The following PDE9A variants were observed in gnomAD, a reference collection of about 807,000 sequenced individuals.
PDE9A encodes high affinity cGMP-specific 3',5'-cyclic phosphodiesterase 9A.
PDE9A carries 60 observed loss-of-function variants against 87.4 expected under a neutral mutation model. That is an observed-to-expected ratio of 0.69 (90% CI 0.56 to 0.85). The LOEUF (loss-of-function observed/expected upper bound fraction) is 0.85. PDE9A is among the 40% of genes least tolerant of loss of function. The pLI, the probability that PDE9A is intolerant of heterozygous loss-of-function variation, is 0.00. For missense variants in PDE9A, 665 were observed against 779.0 expected (o/e 0.85, Z 1.74); for synonymous variants, 272 against 279.4 (o/e 0.97, Z 0.27).
chr21:42,678,439 C>T (rs2058972719), intron 1 of PDE9A, among the ~76,000 whole-genome samples: 1 of 152,174 alleles, frequency 6.6e-6, no homozygotes, highest in South Asian at 2.1e-4. Flanking sequence ...CCTCCGCAGC[C>T]TCAATGCCCT....
At chr21:42,726,256 G>A (rs1344090731) in intron 4 of PDE9A, among the ~76,000 whole-genome samples, 9 of 152,042 alleles carry the variant, frequency 5.9e-5, no homozygotes, top group Admixed American at 2.6e-4. Context: ...CTGCCACACC[G>A]TAGCTTGTCT....
Position 42,769,145 on chromosome 21 carries a change from C to G in PDE9A, c.1580C>G (p.Thr527Arg), listed in dbSNP as rs199846131. The G allele has an allele frequency of 1.9e-6, 3 of 1,613,456 alleles. No individual in the cohort carries two copies. Among genetic ancestry groups the G allele is most frequent in the Admixed American group, 3.3e-5 (2 of 59,942 alleles). ...TTTGTCCTGATCCCAATGTTTGAAA[C>G]AGTGACCAAGGTGAGTAACTGTCAC... ...IKFVLIPMFE[T>R]VTKLFPMVEE... is the part of the protein sequence containing the mutation. Residue 527 changes from threonine (T) to arginine (R), a missense_variant, in exon 17 of 20, where the codon ACA (threonine) becomes AGA (arginine). Physicochemically the swap from Thr to Arg is moderately conservative, Grantham distance 71. Transcript: ENST00000291539.
chr21:42,765,984 G>A (rs2056361310), intron 15 of PDE9A, among the ~76,000 whole-genome samples: 1 of 152,194 alleles, frequency 6.6e-6, no homozygotes, highest in Non-Finnish European at 1.5e-5. Flanking sequence ...ATGAGAAGGT[G>A]CACTTAGGTT....
chr21:42,658,283 G>C (rs554013046), intron 1 of PDE9A, among the ~76,000 whole-genome samples: 2 of 152,350 alleles, frequency 1.3e-5, no homozygotes, highest in South Asian at 4.1e-4. Flanking sequence ...GCACCCTGCT[G>C]GGGTGGTCTG....
chr21:42,741,705 T>TCG (rs1359116376), intron 7 of PDE9A: 1 of 133,312 alleles, frequency 7.5e-6, no homozygotes, highest in Non-Finnish European at 1.6e-5. Context: ...TGGAAACGCC[T>TCG]CGAAACCCAC....
Position 42,760,450 on chromosome 21 carries a change from C to G in PDE9A, c.1002+18C>G. 1 of 1,420,172 alleles carries G rather than the reference C, an allele frequency of 7.0e-7. No homozygotes were observed. Among genetic ancestry groups the G allele is most frequent in the Non-Finnish European group, 9.9e-7 (1 of 1,012,626 alleles). The allele number at this position is 1,420,172 out of a possible 1,614,324, so 88.0% of individuals were successfully genotyped here. A position where few individuals can be genotyped will look rare whatever the true frequency, so the allele number is the denominator to read the frequency against. On this transcript the variant is annotated intron_variant, in intron 12 of 19. Transcript: ENST00000291539. The surrounding 1 kb of genome is among the most constrained non-coding windows in gnomAD (Gnocchi z 5.2). ...GTCTCCAGGTGGGTCCTGCCCGCTG[C>G]ACACCCAGACCTCTACTCTCGGGGG...
intron 4 of PDE9A, among the ~76,000 whole-genome samples, chr21:42,714,802 C>A (rs2049717147): frequency 7.7e-6 from 1 of 130,026 alleles, no homozygotes; most frequent in Non-Finnish European, 1.7e-5. Context: ...TTAGCTCTCC[C>A]AGTCTTTGTT....
Position 42,659,712 on chromosome 21 carries a change from C to T in PDE9A, c.69+5829C>T, listed in dbSNP as rs1487281514. 6.6e-6 allele frequency among the ~76,000 whole-genome samples: 1 copy of T among 152,212 alleles called. No individual in the cohort carries two copies. Among genetic ancestry groups the T allele is most frequent in the African/African-American group, 2.4e-5 (1 of 41,458 alleles). ...CCACTGTGAGCTAGAACCACAGGCT[C>T]CCATGAAGAAGGAGCCAGAACCACA... On this transcript the variant is annotated intron_variant, in intron 1 of 19. Coordinates refer to ENST00000291539, the MANE Select transcript of PDE9A (RefSeq NM_002606.3). The surrounding 1 kb of genome is among the most constrained non-coding windows in gnomAD (Gnocchi z 4.1).
intron 1 of PDE9A, among the ~76,000 whole-genome samples, chr21:42,685,821 G>C (rs1006370967): frequency 4.6e-5 from 7 of 152,006 alleles, no homozygotes; most frequent in Non-Finnish European, 7.4e-5. Context: ...TTTATTTACA[G>C]AATAGCCCCC....
intron 4 of PDE9A, among the ~76,000 whole-genome samples, chr21:42,699,984 A>G (rs1437589881): frequency 6.6e-6 from 1 of 152,182 alleles, no homozygotes; most frequent in Non-Finnish European, 1.5e-5. Context: ...AACCATCACC[A>G]AAATCAAGAC....
At chr21:42,750,180 G>C (rs1401283866) in intron 8 of PDE9A, among the ~76,000 whole-genome samples, 2 of 152,240 alleles carry the variant, frequency 1.3e-5, no homozygotes, top group Admixed American at 1.3e-4. Context: ...GTACAAAGGG[G>C]CGGGGTGCAG....
chr21:42,688,104 C>T (rs2059578259), intron 3 of PDE9A, 110 bp downstream of exon 3: 1 of 911,104 alleles, frequency 1.1e-6, no homozygotes. Context: ...TGTGAATTGA[C>T]AGCAGAGATG....
intron 8 of PDE9A, among the ~76,000 whole-genome samples, chr21:42,746,494 C>T (rs1428150187): frequency 3.3e-5 from 5 of 152,284 alleles, no homozygotes; most frequent in Middle Eastern, 3.4e-3. Flanking sequence ...TGCTCCCATC[C>T]GTTCTGTCCA....
chr21:42,762,091 T>C lies in PDE9A; in HGVS notation c.1094T>C (p.Ile365Thr). ...CTCTCCTTGCCTCCCAGGTACCAGA[T>C]CAATGCCCGCACAGAGCTGGCGGTC... is the stretch of plus-strand genomic sequence containing the variant. The part of the protein sequence containing the change: ...DHPGYNNTYQ[I>T]NARTELAVRY... Residue 365 changes from isoleucine to threonine, a missense_variant, in exon 14 of 20, where the codon ATC (isoleucine) becomes ACC (threonine). Transcript: ENST00000291539. 1 of 1,613,680 alleles carries C rather than the reference T, an allele frequency of 6.2e-7. No homozygotes were observed. The highest frequency in any genetic ancestry group is 8.5e-7 in the Non-Finnish European group (1 of 1,179,762).
At chr21:42,769,746 G>A (rs1283542155) in intron 17 of PDE9A, among the ~76,000 whole-genome samples, 1 of 143,154 alleles carries the variant, frequency 7.0e-6, no homozygotes, top group Non-Finnish European at 1.6e-5. Flanking sequence ...GCACACACAT[G>A]CACACACAGG....
At chr21:42,684,815 CT>C (rs1294379373) in intron 1 of PDE9A, among the ~76,000 whole-genome samples, 1 of 152,102 alleles carries the variant, frequency 6.6e-6, no homozygotes, top group African/African-American at 2.4e-5. Flanking sequence ...ACCGTTACCC[CT>C]GGGGCAAATA....
At chr21:42,755,582 A>G (rs570836631) in intron 10 of PDE9A, among the ~76,000 whole-genome samples, 70 of 152,304 alleles carry the variant, frequency 4.6e-4, no homozygotes, top group African/African-American at 1.6e-3. Context: ...TCAACGCACA[A>G]AAGGAAAGGG....
intron 1 of PDE9A, among the ~76,000 whole-genome samples, chr21:42,685,385 A>G (rs1175094888): frequency 6.6e-6 from 1 of 151,756 alleles, no homozygotes; most frequent in Non-Finnish European, 1.5e-5. Flanking sequence ...AGGATCCTCA[A>G]CGGTTCTGTT....
intron 4 of PDE9A, among the ~76,000 whole-genome samples, chr21:42,731,082 C>A (rs1416678382): frequency 6.6e-6 from 1 of 152,168 alleles, no homozygotes; most frequent in African/African-American, 2.4e-5. Flanking sequence ...CTCAGCCTCC[C>A]GAGTACCTGG....
Sources: allele counts gnomAD v4.1 joint callset (sites outside exome capture counted in the v4.1 genomes callset), GRCh38; gene constraint gnomAD v4.1.1; non-coding constraint Gnocchi (gnomAD v3.1); transcripts MANE v1.5; gene names NCBI Gene and HGNC (gene_info 2026-07-23, HGNC 2026-07-21).